Variants in MUSK observed in about 807,000 individuals in gnomAD.
The protein encoded by MUSK is muscle associated receptor tyrosine kinase, also known as muscle, skeletal receptor tyrosine-protein kinase.
In MUSK, 55 loss-of-function variants were observed where a neutral mutation model predicts 88.7. The ratio of observed to expected loss-of-function variants is 0.62; its 90% CI spans 0.50 to 0.78. The LOEUF (loss-of-function observed/expected upper bound fraction) is 0.78. Among genes scored for constraint, MUSK ranks in the 30% least tolerant of loss-of-function variants. The pLI is 0.00. For missense variants in MUSK, 1,015 were observed against 1,074.3 expected (o/e 0.94, Z 0.77); for synonymous variants, 387 against 391.9 (o/e 0.99, Z 0.15).
intron 1 of MUSK, among the ~76,000 whole-genome samples, chr9:110,676,703 T>C (rs751986702): frequency 6.6e-6 from 1 of 151,570 alleles, no homozygotes; most frequent in Non-Finnish European, 1.5e-5. Context: ...TCCAGCTCTA[T>C]CCATGTCCCT....
At chr9:110,773,059 T>A (rs1356833368) in intron 9 of MUSK, among the ~76,000 whole-genome samples, 3 of 152,100 alleles carry the variant, frequency 2.0e-5, no homozygotes, top group African/African-American at 4.8e-5. Flanking sequence ...AGTCATTCAA[T>A]GATGTGTGCC....
chr9:110,737,807 C>T (rs2077047341), intron 6 of MUSK, among the ~76,000 whole-genome samples: 1 of 152,082 alleles, frequency 6.6e-6, no homozygotes, highest in African/African-American at 2.4e-5. Flanking sequence ...TCTTTATGCT[C>T]TGCATATGTT....
chr9:110,706,596 A>T (rs2076602009), intron 5 of MUSK, among the ~76,000 whole-genome samples: 1 of 152,178 alleles, frequency 6.6e-6, no homozygotes, highest in African/African-American at 2.4e-5. Context: ...GCTGATTTGA[A>T]TGGCAGGGCT....
chr9:110,701,910 T>C (rs1452626953), intron 5 of MUSK, among the ~76,000 whole-genome samples: 1 of 132,120 alleles, frequency 7.6e-6, no homozygotes, highest in African/African-American at 2.8e-5. Flanking sequence ...TTTTATTTTA[T>C]TTTATTTTAT....
intron 6 of MUSK, among the ~76,000 whole-genome samples, chr9:110,741,976 G>A (rs1226428280): frequency 2.0e-5 from 3 of 152,116 alleles, no homozygotes; most frequent in East Asian, 1.9e-4. Flanking sequence ...GAGACATCAG[G>A]GCTAATGTTC....
intron 4 of MUSK, among the ~76,000 whole-genome samples, chr9:110,696,867 A>C (rs2076435943): frequency 6.6e-6 from 1 of 151,814 alleles, no homozygotes; most frequent in African/African-American, 2.4e-5. Flanking sequence ...TATAGTGGCC[A>C]AGTCTGAGAT....
At chr9:110,712,191 G>A (rs1383308090) in intron 5 of MUSK, among the ~76,000 whole-genome samples, 1 of 151,240 alleles carries the variant, frequency 6.6e-6, no homozygotes, top group Non-Finnish European at 1.5e-5. Context: ...GCCTGGGTTG[G>A]GGAGAAGGGT....
chr9:110,755,953 C>CATATAT (rs1554750825), intron 7 of MUSK, among the ~76,000 whole-genome samples: 10 of 70,672 alleles, frequency 1.4e-4, no homozygotes, highest in African/African-American at 3.9e-4. Flanking sequence ...TATATATACA[C>CATATAT]ATATATATAT....
Position 110,695,427 on chromosome 9 carries a change from T to G in MUSK, c.383T>G (p.Ile128Arg). Residue 128 changes from isoleucine to arginine, a missense_variant, in exon 4 of 15, where the codon ATA becomes AGA. Transcript: ENST00000374448. Reference protein sequence around the residue: ...KMKPKITRPPINVKIIEGLKA... With the variant: ...KMKPKITRPPRNVKIIEGLKA... ...GAACCTAAAATAACTCGTCCTCCCA[T>G]AAATGTGAAAATAATAGAGGGATTA... 1 of 1,528,114 alleles carries G rather than the reference T, an allele frequency of 6.5e-7. No homozygotes were observed. Among genetic ancestry groups the G allele is most frequent in the Non-Finnish European group, 8.9e-7 (1 of 1,125,376 alleles). 94.7% of individuals were successfully genotyped at this position (1,528,114 alleles called of 1,614,324 possible).
At chr9:110,788,178 T>C in intron 14 of MUSK, 1 of 228,424 alleles carries the variant, frequency 4.4e-6, no homozygotes, top group South Asian at 6.4e-5. Context: ...TTATTTTGTT[T>C]CTCCTCTTTC....
intron 3 of MUSK, among the ~76,000 whole-genome samples, chr9:110,689,735 A>ATT (rs1564217968): frequency 9.2e-5 from 1 of 10,892 alleles, no homozygotes; most frequent in Admixed American, 8.6e-4. Flanking sequence ...TATAGTTTAT[A>ATT]TATAATATTA....
chr9:110,745,492 A>C (rs1216595172), intron 6 of MUSK, among the ~76,000 whole-genome samples: 2 of 152,202 alleles, frequency 1.3e-5, no homozygotes, highest in African/African-American at 2.4e-5. Context: ...ACAAAATAAC[A>C]TAAAGTCTGT....
chr9:110,729,495 T>C (rs2076936886), intron 5 of MUSK, among the ~76,000 whole-genome samples: 1 of 151,874 alleles, frequency 6.6e-6, no homozygotes, highest in Non-Finnish European at 1.5e-5. Flanking sequence ...ACTGGTATTA[T>C]TTAAAACAGT....
chr9:110,729,947 C>G (rs1377562434), intron 5 of MUSK, among the ~76,000 whole-genome samples: 1 of 151,958 alleles, frequency 6.6e-6, no homozygotes, highest in African/African-American at 2.4e-5. Flanking sequence ...ATGCCTTTAT[C>G]TTTTTACTAT....
At chr9:110,707,302 A>AT (rs1156989088) in intron 5 of MUSK, among the ~76,000 whole-genome samples, 1 of 152,184 alleles carries the variant, frequency 6.6e-6, no homozygotes, top group Non-Finnish European at 1.5e-5. Context: ...TTGTTATAAG[A>AT]TTTTTTAAAC....
chr9:110,763,997 C>T (rs1048134389), intron 8 of MUSK, among the ~76,000 whole-genome samples: 4 of 152,174 alleles, frequency 2.6e-5, no homozygotes, highest in East Asian at 1.9e-4. Context: ...AAAGGAGATC[C>T]GAGATCAAAT....
chr9:110,775,615 A>C, intron 9 of MUSK, 173 bp from the exon 10 acceptor site: 1 of 642,892 alleles, frequency 1.6e-6, no homozygotes, highest in Non-Finnish European at 2.8e-6. Context: ...ACAGTACACT[A>C]GATTTCATGA....
chr9:110,685,118 T>C (rs1416209866), intron 2 of MUSK, among the ~76,000 whole-genome samples: 1 of 152,116 alleles, frequency 6.6e-6, no homozygotes, highest in Non-Finnish European at 1.5e-5. Context: ...TATATGGCTT[T>C]TATTATTTTG....
chr9:110,671,678 A>C (rs776194046), intron 1 of MUSK, among the ~76,000 whole-genome samples: 2 of 152,208 alleles, frequency 1.3e-5, no homozygotes, highest in Non-Finnish European at 2.9e-5. Context: ...CAGTGCCATA[A>C]CCCAAGTAGT....
Sources: gnomAD v4.1 joint callset for allele counts (sites outside exome capture counted in the v4.1 genomes callset) on GRCh38, gnomAD v4.1.1 for gene constraint, MANE v1.5 for transcripts, NCBI Gene and HGNC (gene_info 2026-07-23, HGNC 2026-07-21) for gene names.